The following DKKL1 variants were observed in gnomAD, a reference collection of about 807,000 sequenced individuals.
The protein encoded by DKKL1 is dickkopf like acrosomal protein 1, also known as dickkopf-like protein 1.
Under a neutral mutation model 16.5 loss-of-function variants are expected in DKKL1, and 11 were observed. The ratio of observed to expected loss-of-function variants is 0.67; its 90% CI spans 0.42 to 1.10. The LOEUF is 1.10. DKKL1 is among the 50% of genes least tolerant of loss of function. DKKL1 has a pLI of 0.00. For synonymous variants in DKKL1, 119 were observed against 133.2 expected, an observed-to-expected ratio of 0.89 and a Z score of 0.73; for missense variants, 320 against 308.1, an observed-to-expected ratio of 1.04 and a Z score of -0.29.
At chr19:49,362,563 C>G (rs1324306919), upstream of DKKL1, 1 of 151,202 alleles carries the variant, frequency 6.6e-6, no homozygotes, top group Non-Finnish European at 1.5e-5. Context: ...TAGTCTATCT[C>G]GGGGCTGGTA....
upstream of DKKL1, chr19:49,363,245 A>C (rs1220928705): frequency 6.6e-6 from 1 of 152,066 alleles, no homozygotes; most frequent in African/African-American, 2.5e-5. Flanking sequence ...TCCGGACCTG[A>C]GGTCCTCAGG....
At chr19:49,371,926 A>C (rs1297293379) in intron 4 of DKKL1, among the ~76,000 whole-genome samples, 4 of 152,136 alleles carry the variant, frequency 2.6e-5, no homozygotes, top group African/African-American at 9.7e-5. Flanking sequence ...AGCTTCATCC[A>C]TGTCCCTGCA....
chr19:49,367,934 G>C (rs1053874305), intron 4 of DKKL1, among the ~76,000 whole-genome samples: 4 of 152,072 alleles, frequency 2.6e-5, no homozygotes, highest in African/African-American at 7.2e-5. Flanking sequence ...CTAGCAATTT[G>C]GGAGGCTGAG....
rs1021776085 is a variant in DKKL1 at position 49,364,069 on chromosome 19, G to T, written c.10+61G>T. 7 of 1,601,240 alleles carry T rather than the reference G, an allele frequency of 4.4e-6. No individual in the cohort carries two copies. The East Asian group carries it at 1.6e-4, about 36-fold the overall frequency. Reference sequence around the variant, plus strand: ...AGTGAGGAAAAGACCATTGGATGAGGCCGGGTGCTGTGGCTTACGCCTGCA... The same window carrying T: ...AGTGAGGAAAAGACCATTGGATGAGTCCGGGTGCTGTGGCTTACGCCTGCA... On this transcript the variant is annotated intron_variant, in intron 1 of 4. Transcript: ENST00000221498.
chr19:49,364,019 A>C lies in DKKL1; in HGVS notation c.10+11A>C. 6.2e-7 allele frequency: 1 copy of C among 1,613,318 alleles called. No individual in the cohort carries two copies. Among genetic ancestry groups the C allele is most frequent in the Non-Finnish European group, 8.5e-7 (1 of 1,179,688 alleles). On this transcript the variant is annotated intron_variant, in intron 1 of 4. Coordinates refer to ENST00000221498, the MANE Select transcript of DKKL1 (RefSeq NM_014419.4). Reference sequence around the variant, plus strand: ...GGGGTATGGGAGAAGGTGAGGATTGAGATCTGGTGGTGAACGTGGGCGAAA... The same window carrying C: ...GGGGTATGGGAGAAGGTGAGGATTGCGATCTGGTGGTGAACGTGGGCGAAA...
chr19:49,366,076 T>C (rs7248928), intron 4 of DKKL1, among the ~76,000 whole-genome samples, 191 bp downstream of exon 4: 89,049 of 151,998 alleles, frequency 0.59, 27,336 homozygotes, highest in African/African-American at 0.78. Flanking sequence ...TACAGGCACC[T>C]GCCACCACGC....
chr19:49,374,705 C>G lies in DKKL1; in HGVS notation c.418-12C>G. On this transcript the variant is annotated splice_polypyrimidine_tract_variant and intron_variant, in intron 4 of 4. Transcript: ENST00000221498. Reference sequence around the variant, plus strand: ...TGGAGTATGAGAGGGTCTCCTTGTTCTTCCTCCCCAGGTACCCAGGATGGA... The same window carrying G: ...TGGAGTATGAGAGGGTCTCCTTGTTGTTCCTCCCCAGGTACCCAGGATGGA... 6.6e-7 allele frequency: 1 copy of G among 1,518,166 alleles called. No homozygotes were observed. The highest frequency in any genetic ancestry group is 8.8e-7 in the Non-Finnish European group (1 of 1,132,636). 94.0% of individuals were successfully genotyped at this position (1,518,166 alleles called of 1,614,324 possible). A position where few individuals can be genotyped will look rare whatever the true frequency, so the allele number is the denominator to read the frequency against.
intron 4 of DKKL1, 47 bp from the exon 5 acceptor site, chr19:49,374,670 G>C (rs769425852): frequency 1.3e-6 from 2 of 1,500,708 alleles, no homozygotes; most frequent in Non-Finnish European, 1.8e-6. Flanking sequence ...GACCATCCTG[G>C]GGTGCTGTTT....
intron 1 of DKKL1, 24 bp from the exon 2 acceptor site, chr19:49,364,558 C>T (rs773801801): frequency 6.3e-7 from 1 of 1,597,808 alleles, no homozygotes. Flanking sequence ...CTGTGCGGGG[C>T]TCTGACCCCG....
intron 4 of DKKL1, chr19:49,368,713 T>C (rs185954658): frequency 6.6e-6 from 1 of 152,286 alleles, no homozygotes; most frequent in East Asian, 1.9e-4. Flanking sequence ...TTAGAAATAA[T>C]ATTTTTAATT....
intron 2 of DKKL1, 63 bp downstream of exon 2, chr19:49,364,817 G>A: frequency 1.3e-6 from 2 of 1,569,856 alleles, no homozygotes; most frequent in Non-Finnish European, 8.6e-7. Flanking sequence ...CACAGAGTGG[G>A]AGATGGTTCA....
At position 49,368,997 on chromosome 19, in the gene DKKL1, T is replaced by C. The variant is rs1973367703; in HGVS notation, c.417+3112T>C. On this transcript the variant is annotated intron_variant, in intron 4 of 4. Transcript: ENST00000221498. ...TATTTAAGAAAGTTTTTTAAGTTGT[T>C]AGCCAATTGGGTTTAGCTTAGACTG... The C allele has an allele frequency of 6.6e-5, 10 of 152,302 alleles. No individual in the cohort carries two copies. The South Asian group carries it at 2.1e-3, about 32-fold the overall frequency. The allele number at this position is 152,302 out of a possible 1,614,324, so 9.4% of individuals were successfully genotyped here.
At position 49,374,981 on chromosome 19, in the gene DKKL1, C is replaced by T. The variant is rs777939588; in HGVS notation, c.682C>T (p.Arg228Ter). 16 of 1,613,196 alleles carry T rather than the reference C, an allele frequency of 9.9e-6. No individual in the cohort carries two copies. The highest frequency in any genetic ancestry group is 2.2e-5 in the East Asian group (1 of 44,878). Residue 228 changes from arginine to a stop codon, truncating the protein, a stop_gained, in exon 5 of 5, where the codon CGA becomes TGA. Transcript: ENST00000221498. LOFTEE classifies it high-confidence loss of function. ...ESSSHSRLSP[R>*]KTHLLYILRP... is the part of the protein sequence containing the mutation. Reference sequence around the variant, plus strand: ...CTCCTCCCACTCCAGGCTGTCCCCCCGAAAGACCCACTTACTGTACATCCT... The same window carrying T: ...CTCCTCCCACTCCAGGCTGTCCCCCTGAAAGACCCACTTACTGTACATCCT...
At chr19:49,362,785 G>C (rs998493776), upstream of DKKL1, among the ~76,000 whole-genome samples, 5 of 151,990 alleles carry the variant, frequency 3.3e-5, no homozygotes, top group Non-Finnish European at 7.4e-5. Context: ...GAGGGGACGG[G>C]GCTAGGCGCC....
intron 3 of DKKL1, 47 bp from the exon 4 acceptor site, chr19:49,365,746 G>A: frequency 6.2e-7 from 1 of 1,606,034 alleles, no homozygotes; most frequent in Non-Finnish European, 8.5e-7. Flanking sequence ...AAGGAGGGCG[G>A]AGGAGGAAAG....
Position 49,375,073 on chromosome 19 carries a change from T to C in DKKL1, c.*45T>C. Reference sequence around the variant, plus strand: ...CCTGCCTGTAGCCCCCATCAGACCCTGCCCCAAGCACCATATGGAAATAAA... The same window carrying C: ...CCTGCCTGTAGCCCCCATCAGACCCCGCCCCAAGCACCATATGGAAATAAA... On this transcript the variant is annotated 3_prime_UTR_variant, in exon 5 of 5. Coordinates refer to ENST00000221498, the MANE Select transcript of DKKL1 (RefSeq NM_014419.4). The C allele has an allele frequency of 5.2e-6, 8 of 1,536,836 alleles. No homozygotes were observed. The highest frequency in any genetic ancestry group is 7.0e-6 in the Non-Finnish European group (8 of 1,142,396).
In DKKL1 at chr19:49,364,751, G is replaced by C; in HGVS notation, c.180G>C (p.Leu60=). The change falls in exon 2 of 5, where the codon CTG becomes CTC. Residue 60 remains leucine (L), a synonymous_variant. Coordinates refer to ENST00000221498, the MANE Select transcript of DKKL1 (RefSeq NM_014419.4). ...SLLQGFSRLF[L]KGNLLRGIDS... The stretch of plus-strand genomic sequence containing the variant: ...TCCAAGGCTTCAGCCGACTTTTCCT[G>C]AAAGTAAGCGATGGCGGGGGGATGG... 1 of 1,612,100 alleles carries C rather than the reference G, an allele frequency of 6.2e-7. No individual in the cohort carries two copies. Among genetic ancestry groups the C allele is most frequent in the Non-Finnish European group, 8.5e-7 (1 of 1,179,124 alleles).
chr19:49,374,047 C>A (rs191469749), intron 4 of DKKL1, among the ~76,000 whole-genome samples: 3 of 151,604 alleles, frequency 2.0e-5, no homozygotes, highest in African/African-American at 7.3e-5. Context: ...TGCAGTGGTG[C>A]GATCTCGGCT....
upstream of DKKL1, chr19:49,361,580 A>G (rs1237579958): frequency 2.1e-5 from 3 of 142,288 alleles, no homozygotes; most frequent in African/African-American, 7.9e-5. Context: ...GGCCAGGGCG[A>G]CTCCCCTCCG....
Sources: gnomAD v4.1 joint callset for allele counts (sites outside exome capture counted in the v4.1 genomes callset) on GRCh38, gnomAD v4.1.1 for gene constraint, MANE v1.5 for transcripts, NCBI Gene and HGNC (gene_info 2026-07-23, HGNC 2026-07-21) for gene names.